The following N4BP2 variants were observed in gnomAD, a reference collection of about 807,000 sequenced individuals.
N4BP2 encodes the protein NEDD4 binding protein 2, also known as NEDD4-binding protein 2.
In N4BP2, 91 loss-of-function variants were observed where a neutral mutation model predicts 152.8. The ratio of observed to expected loss-of-function variants is 0.60; its 90% CI spans 0.50 to 0.71. N4BP2 has a LOEUF of 0.71. Among genes scored for constraint, N4BP2 ranks in the 30% least tolerant of loss-of-function variants. N4BP2 has a pLI of 0.00. For synonymous variants in N4BP2, 646 were observed against 705.3 expected (o/e 0.92, Z 1.33); for missense variants, 1,923 against 2,059.1 (o/e 0.93, Z 1.28).
chr4:40,066,335 TTGA>T, intron 1 of N4BP2, among the ~76,000 whole-genome samples: 1 of 150,300 alleles, frequency 6.7e-6, no homozygotes. Context: ...TTTTTTTTTT[TTGA>T]GACAGTGTCT....
At chr4:40,076,337 G>A (rs1388200403) in intron 2 of N4BP2, among the ~76,000 whole-genome samples, 4 of 151,908 alleles carry the variant, frequency 2.6e-5, no homozygotes, top group Admixed American at 6.6e-5. Context: ...TTAGCCAGGC[G>A]TGGTGGTGCA....
chr4:40,179,893 T>C, the N4BP2 span, among the ~76,000 whole-genome samples: 1 of 151,348 alleles, frequency 6.6e-6, no homozygotes, highest in East Asian at 1.9e-4. Context: ...GCCTCCCGAG[T>C]AGCTGGAATT....
chr4:40,101,188 G>A lies in N4BP2; in HGVS notation c.230-887G>A, dbSNP rs151048810. 3.3e-3 allele frequency among the ~76,000 whole-genome samples: 503 copies of A among 151,946 alleles called. 2 individuals are homozygous for A. The highest frequency in any genetic ancestry group is 0.028 in the Admixed American group (425 of 15,248). ...TTATTTATTGTTGAGAGGGAGTCTC[G>A]CTCTGTCACCAAGGCTGGAGTGCAG... On this transcript the variant is annotated intron_variant, in intron 3 of 17. Coordinates refer to ENST00000261435, the MANE Select transcript of N4BP2 (RefSeq NM_018177.6).
intron 1 of N4BP2, among the ~76,000 whole-genome samples, chr4:40,057,923 C>G (rs1467130498): frequency 6.6e-6 from 1 of 152,170 alleles, no homozygotes; most frequent in Non-Finnish European, 1.5e-5. Flanking sequence ...TACACATTCT[C>G]GCCATGCAGT....
intron 14 of N4BP2, among the ~76,000 whole-genome samples, chr4:40,138,991 G>A (rs1005240067): frequency 1.3e-5 from 2 of 152,168 alleles, no homozygotes; most frequent in African/African-American, 2.4e-5. Context: ...GATGGGGTTC[G>A]TGTTGAATAT....
intron 7 of N4BP2, among the ~76,000 whole-genome samples, chr4:40,115,793 A>G (rs1445148856): frequency 1.3e-5 from 2 of 152,084 alleles, no homozygotes; most frequent in Non-Finnish European, 2.9e-5. Flanking sequence ...TATACATTTC[A>G]TATTTGCTTG....
chr4:40,136,837 G>T, intron 13 of N4BP2, 107 bp from the exon 14 acceptor site: 1 of 781,250 alleles, frequency 1.3e-6, no homozygotes, highest in Non-Finnish European at 2.0e-6. Flanking sequence ...TTAAAAGTAA[G>T]CCAGTTTTTC....
intron 14 of N4BP2, among the ~76,000 whole-genome samples, chr4:40,141,765 G>A (rs1429152157): frequency 1.3e-5 from 2 of 152,180 alleles, no homozygotes; most frequent in African/African-American, 2.4e-5. Flanking sequence ...GTAGCGAGCC[G>A]AGATCACGCC....
At position 40,156,510 on chromosome 4, in the gene N4BP2, C is replaced by T. The variant is rs182269763; in HGVS notation, c.*2273C>T. The T allele has an allele frequency of 4.6e-4, 70 of 152,252 alleles. No homozygotes were observed. Among genetic ancestry groups the T allele is most frequent in the African/African-American group, 1.5e-3 (64 of 41,560 alleles). The allele number at this position is 152,252 out of a possible 1,614,324, so 9.4% of individuals were successfully genotyped here. ...GCTTAATTCCAAATTGCCTCCCACC[C>T]CACTATCTAGCATAGTTTAAGCAAC... On this transcript the variant is annotated 3_prime_UTR_variant, in exon 18 of 18. Transcript: ENST00000261435.
the N4BP2 span, among the ~76,000 whole-genome samples, chr4:40,176,108 A>G: frequency 2.0e-5 from 3 of 149,796 alleles, no homozygotes; most frequent in Non-Finnish European, 4.5e-5. Flanking sequence ...AAAAAAAAAG[A>G]GAAAGAAAAA....
rs1718405862 is a variant in N4BP2 at position 40,126,315 on chromosome 4, G to A, written c.4512G>A (p.Gln1504=). The A allele has an allele frequency of 6.6e-7, 1 of 1,524,116 alleles. No homozygotes were observed. Among genetic ancestry groups the A allele is most frequent in the Non-Finnish European group, 8.9e-7 (1 of 1,122,754 alleles). 94.4% of individuals were successfully genotyped at this position (1,524,116 alleles called of 1,614,324 possible). A position where few individuals can be genotyped will look rare whatever the true frequency, so the allele number is the denominator to read the frequency against. The change falls in exon 12 of 18, where the codon CAG becomes CAA. Residue 1504 remains glutamine (Q), a synonymous_variant. Coordinates refer to ENST00000261435, the MANE Select transcript of N4BP2 (RefSeq NM_018177.6). ...REIMSEEIAL[Q]EKHNLKRETL... is the part of the protein sequence containing the mutation. ...TAATGTCAGAAGAAATTGCCTTACA[G>A]GAAAAACATAATTTGGTATGAATTA...
downstream of N4BP2, among the ~76,000 whole-genome samples, chr4:40,159,065 T>C (rs142261044): frequency 1.8e-3 from 271 of 152,356 alleles, 1 homozygote; most frequent in Admixed American, 8.9e-3. Context: ...ACATAGGTAG[T>C]GCTATCCCAA....
At chr4:40,101,144 G>A (rs1160531792) in intron 3 of N4BP2, among the ~76,000 whole-genome samples, 1 of 151,950 alleles carries the variant, frequency 6.6e-6, no homozygotes, top group East Asian at 1.9e-4. Flanking sequence ...ATTATCAAAA[G>A]TGTGCATTAT....
In N4BP2 at chr4:40,062,078, C is replaced by CTTT. The variant is rs71194968; in HGVS notation, c.-212+5061_-212+5063dup. ...TTTTTACTGCTTTATTTTTTGGTTA[C>CTTT]TTTTTTTTTTTTTTTCTTGAGACGG... is the stretch of plus-strand genomic sequence containing the variant. On this transcript the variant is annotated intron_variant, in intron 1 of 17. Coordinates refer to ENST00000261435, the MANE Select transcript of N4BP2 (RefSeq NM_018177.6). 1.8e-4 allele frequency among the ~76,000 whole-genome samples: 24 copies of CTTT among 132,368 alleles called. 2 individuals are homozygous for CTTT. Among genetic ancestry groups the CTTT allele is most frequent in the African/African-American group, 2.3e-4 (8 of 35,174 alleles). The allele number at this position is 132,368 out of a possible 152,430, so 86.8% of individuals were successfully genotyped here. A position where few individuals can be genotyped will look rare whatever the true frequency, so the allele number is the denominator to read the frequency against.
At chr4:40,098,640 T>G (rs1715319349) in intron 3 of N4BP2, among the ~76,000 whole-genome samples, 1 of 152,222 alleles carries the variant, frequency 6.6e-6, no homozygotes, top group African/African-American at 2.4e-5. Flanking sequence ...GTTATGCATG[T>G]AGAAAACCAG....
intron 12 of N4BP2, among the ~76,000 whole-genome samples, chr4:40,130,249 C>T (rs1718795886): frequency 6.6e-6 from 1 of 151,876 alleles, no homozygotes; most frequent in African/African-American, 2.4e-5. Flanking sequence ...AGGCTGGTCT[C>T]GAACTCCTGG....
At chr4:40,129,330 G>A (rs112882098) in intron 12 of N4BP2, among the ~76,000 whole-genome samples, 44,567 of 151,876 alleles carry the variant, frequency 0.29, 6,809 homozygotes, top group South Asian at 0.48. Flanking sequence ...AGGTTCAAGC[G>A]ATTCTCCTGC....
intron 15 of N4BP2, among the ~76,000 whole-genome samples, chr4:40,143,794 C>G (rs765926405): frequency 3.3e-5 from 5 of 152,054 alleles, no homozygotes; most frequent in African/African-American, 1.2e-4. Context: ...AAAGGATACA[C>G]AAATAATAAA....
the N4BP2 span, among the ~76,000 whole-genome samples, chr4:40,163,903 C>T: frequency 5.5e-4 from 83 of 152,262 alleles, no homozygotes; most frequent in Non-Finnish European, 7.6e-4. Flanking sequence ...AAATCTTTCC[C>T]GGCTATTAAT....
Sources: gnomAD v4.1 joint callset for allele counts (sites outside exome capture counted in the v4.1 genomes callset) on GRCh38, gnomAD v4.1.1 for gene constraint, MANE v1.5 for transcripts, NCBI Gene and HGNC (gene_info 2026-07-23, HGNC 2026-07-21) for gene names.